Variants in CENPK observed in about 807,000 individuals in gnomAD.
CENPK encodes the protein SoxLZ/Sox6-binding protein Solt.
CENPK carries 46 observed loss-of-function variants against 40.9 expected under a neutral mutation model. The observed-to-expected ratio is 1.13, with a 90% CI of 0.89 to 1.44. The LOEUF (loss-of-function observed/expected upper bound fraction) is 1.44, where lower values mean the gene tolerates loss of function less well. Ranked by LOEUF, CENPK falls within the 40% of genes most tolerant of loss-of-function variation. The pLI, the probability that CENPK is intolerant of heterozygous loss-of-function variation, is 0.00. For synonymous variants in CENPK, 107 were observed against 104.4 expected (o/e 1.02, Z -0.15); for missense variants, 288 against 303.5 (o/e 0.95, Z 0.38).
chr5:65,515,116 T>C (rs1184454200), downstream of CENPK, among the ~76,000 whole-genome samples: 3 of 152,128 alleles, frequency 2.0e-5, no homozygotes, highest in Non-Finnish European at 2.9e-5. Flanking sequence ...TAGATGCTTA[T>C]TGATTTTAGA....
chr5:65,532,275 TCA>T (rs1214698253), intron 6 of CENPK, among the ~76,000 whole-genome samples: 2 of 152,176 alleles, frequency 1.3e-5, no homozygotes, highest in Admixed American at 6.5e-5. Context: ...AAATTTTTAT[TCA>T]GTTTATGAGA....
intron 5 of CENPK, among the ~76,000 whole-genome samples, chr5:65,544,795 A>G (rs958181341): frequency 6.6e-6 from 1 of 152,182 alleles, no homozygotes; most frequent in African/African-American, 2.4e-5. Context: ...CACAAATACT[A>G]TATGATTCCA....
chr5:65,551,155 T>A (rs1749942010), intron 5 of CENPK: 1 of 393,136 alleles, frequency 2.5e-6, no homozygotes, highest in East Asian at 1.0e-4. Flanking sequence ...GAGGCTGAGG[T>A]AGGAGGATCA....
chr5:65,552,254 T>C (rs1219099721), intron 4 of CENPK, among the ~76,000 whole-genome samples: 1 of 152,196 alleles, frequency 6.6e-6, no homozygotes, highest in Admixed American at 6.5e-5. Context: ...TATGTATAGT[T>C]GCTAAAAGAC....
intron 3 of CENPK, among the ~76,000 whole-genome samples, chr5:65,553,538 T>C (rs1195378961): frequency 6.6e-6 from 1 of 152,180 alleles, no homozygotes; most frequent in Non-Finnish European, 1.5e-5. Context: ...TACATATATT[T>C]CAAACAACAT....
At chr5:65,497,220 T>A in the CENPK span, among the ~76,000 whole-genome samples, 3 of 151,744 alleles carry the variant, frequency 2.0e-5, no homozygotes, top group African/African-American at 7.3e-5. Context: ...ATACAAAAAT[T>A]AGCTGGGCAT....
intron 1 of CENPK, among the ~76,000 whole-genome samples, chr5:65,561,959 T>C (rs1274752101): frequency 1.3e-5 from 2 of 152,182 alleles, no homozygotes; most frequent in East Asian, 3.9e-4. Context: ...GCTTCCATTC[T>C]CATGCAGACA....
At chr5:65,555,094 G>C in intron 2 of CENPK, 148 bp from the exon 3 acceptor site, 1 of 492,088 alleles carries the variant, frequency 2.0e-6, no homozygotes, top group Non-Finnish European at 3.5e-6. Flanking sequence ...AAGGAAAACA[G>C]ACAATAAAAT....
At chr5:65,498,621 CTTTTTCT>C in the CENPK span, among the ~76,000 whole-genome samples, 1 of 143,430 alleles carries the variant, frequency 7.0e-6, no homozygotes, top group African/African-American at 2.6e-5. Context: ...TTTTTTCTTT[CTTTTTCT>C]TTTTTCTTTT....
intron 6 of CENPK, among the ~76,000 whole-genome samples, chr5:65,534,290 G>A (rs537649893): frequency 2.7e-4 from 41 of 152,112 alleles, no homozygotes; most frequent in Non-Finnish European, 5.0e-4. Context: ...GTATGTTAAA[G>A]ATAGCAATCT....
the CENPK span, among the ~76,000 whole-genome samples, chr5:65,507,497 A>C: frequency 1.9e-3 from 287 of 152,210 alleles, 1 homozygote; most frequent in African/African-American, 6.6e-3. Context: ...CTTCATTTTG[A>C]TTTGCACGGT....
At chr5:65,539,714 G>A (rs977700122) in intron 6 of CENPK, among the ~76,000 whole-genome samples, 5 of 152,182 alleles carry the variant, frequency 3.3e-5, no homozygotes, top group Non-Finnish European at 4.4e-5. Context: ...GCTGTGCCTG[G>A]GCACCATGGC....
intron 5 of CENPK, among the ~76,000 whole-genome samples, chr5:65,546,237 C>T (rs991938392): frequency 5.5e-5 from 3 of 54,498 alleles, no homozygotes; most frequent in East Asian, 1.6e-3. Flanking sequence ...TGCCCCCCCG[C>T]TCAGGTGATC....
intron 10 of CENPK, 47 bp downstream of exon 10, chr5:65,521,428 A>G: frequency 2.1e-6 from 3 of 1,460,666 alleles, no homozygotes; most frequent in Non-Finnish European, 2.9e-6. Context: ...TTGTTCACAA[A>G]TGACTAAGAC....
At chr5:65,519,476 A>T (rs981601435) in intron 10 of CENPK, among the ~76,000 whole-genome samples, 2 of 152,238 alleles carry the variant, frequency 1.3e-5, no homozygotes, top group African/African-American at 4.8e-5. Context: ...AAATTACAAA[A>T]GTAGAACTCA....
rs936135871 is a variant in CENPK at position 65,518,697 on chromosome 5, GT to G, written c.652-65del. The stretch of plus-strand genomic sequence containing the variant: ...AAAAAGTCAATATAGCTATAAGAAA[GT>G]TTTTTGTCAAAGAATATTGACCTCT... On this transcript the variant is annotated intron_variant, in intron 10 of 10. Coordinates refer to ENST00000396679, the MANE Select transcript of CENPK (RefSeq NM_022145.5). 18 of 1,053,974 alleles carry G rather than the reference GT, an allele frequency of 1.7e-5. No homozygotes were observed. In the African/African-American group the frequency reaches 2.0e-4, roughly 11 times the overall value. 65.3% of individuals were successfully genotyped at this position (1,053,974 alleles called of 1,614,324 possible).
intron 9 of CENPK, among the ~76,000 whole-genome samples, chr5:65,527,627 G>T (rs1744965200): frequency 7.0e-6 from 1 of 142,406 alleles, no homozygotes; most frequent in Non-Finnish European, 1.5e-5. Flanking sequence ...TTTCATTATA[G>T]CTACTATTAA....
Position 65,554,935 on chromosome 5 carries a change from T to C in CENPK, c.-28A>G. The stretch of plus-strand genomic sequence containing the variant: ...ATATATGCTTTGTGAATTTTTAGCC[T>C]TATAAGAAAAACTAAAGCAAAAAAT... On this transcript the variant is annotated 5_prime_UTR_variant, in exon 3 of 11. Coordinates refer to ENST00000396679, the MANE Select transcript of CENPK (RefSeq NM_022145.5). 1 of 1,383,902 alleles carries C rather than the reference T, an allele frequency of 7.2e-7. No individual in the cohort carries two copies. The allele number at this position is 1,383,902 out of a possible 1,614,324, so 85.7% of individuals were successfully genotyped here.
intron 2 of CENPK, among the ~76,000 whole-genome samples, chr5:65,558,351 A>G (rs1289962980): frequency 1.3e-5 from 2 of 152,222 alleles, no homozygotes; most frequent in African/African-American, 4.8e-5. Context: ...GATCTAGTAC[A>G]TAAGTAGAGG....
Sources: gnomAD v4.1 joint callset for allele counts (sites outside exome capture counted in the v4.1 genomes callset) on GRCh38, gnomAD v4.1.1 for gene constraint, MANE v1.5 for transcripts, NCBI Gene and HGNC (gene_info 2026-07-23, HGNC 2026-07-21) for gene names.